The following RINT1 variants were observed in gnomAD, a reference collection of about 807,000 sequenced individuals.
RINT1 encodes RAD50 interactor 1, also known as RAD50-interacting protein 1.
In RINT1, 75 loss-of-function variants were observed where a neutral mutation model predicts 97.7. The ratio of observed to expected loss-of-function variants is 0.77; its 90% CI spans 0.64 to 0.93. RINT1 has a LOEUF of 0.93. RINT1 is among the 40% of genes least tolerant of loss of function. The probability of loss-of-function intolerance (pLI) is 0.00; values close to 1 mark genes in which losing one functional copy is unlikely to be tolerated. For missense variants in RINT1, 892 were observed against 925.2 expected (o/e 0.96, Z 0.47); for synonymous variants, 303 against 326.3 (o/e 0.93, Z 0.77).
chr7:105,542,155 C>A, intron 3 of RINT1: 2 of 333,078 alleles, frequency 6.0e-6, no homozygotes, highest in East Asian at 5.7e-5. Flanking sequence ...ATAGTGAGAC[C>A]TTATTTCTAT....
chr7:105,562,081 A>C (rs1427249164), intron 11 of RINT1, among the ~76,000 whole-genome samples: 1 of 152,166 alleles, frequency 6.6e-6, no homozygotes, highest in African/African-American at 2.4e-5. Context: ...CTATTTATAT[A>C]AATACTGGTG....
At chr7:105,549,637 C>T (rs1790843477) in intron 7 of RINT1, among the ~76,000 whole-genome samples, 1 of 152,132 alleles carries the variant, frequency 6.6e-6, no homozygotes, top group Admixed American at 6.5e-5. Flanking sequence ...GCATGAGCTG[C>T]CACGCCTGGC....
chr7:105,557,092 C>G (rs1445445363), intron 11 of RINT1, among the ~76,000 whole-genome samples: 2 of 151,920 alleles, frequency 1.3e-5, no homozygotes, highest in African/African-American at 2.4e-5. Flanking sequence ...ACTAGGATGA[C>G]TATGAAATGG....
At position 105,567,314 on chromosome 7, in the gene RINT1, T is replaced by C. The variant is rs1791810627; in HGVS notation, c.*3T>C. 3.8e-6 allele frequency: 6 copies of C among 1,573,346 alleles called. No individual in the cohort carries two copies. Among genetic ancestry groups the C allele is most frequent in the Non-Finnish European group, 5.2e-6 (6 of 1,158,640 alleles). ...ATTGGCCTAATACTGGAAAATAATG[T>C]CTTTCAGAAAAAGGTTTCTTTGGTT... On this transcript the variant is annotated 3_prime_UTR_variant, in exon 15 of 15. Coordinates refer to ENST00000257700, the MANE Select transcript of RINT1 (RefSeq NM_021930.6).
At chr7:105,562,647 C>A (rs554972376) in intron 11 of RINT1, among the ~76,000 whole-genome samples, 6 of 152,054 alleles carry the variant, frequency 3.9e-5, no homozygotes, top group Non-Finnish European at 7.3e-5. Context: ...GCCTGTAATC[C>A]CAGAACTTTG....
chr7:105,551,337 G>C (rs1790915614), intron 9 of RINT1, among the ~76,000 whole-genome samples: 1 of 152,118 alleles, frequency 6.6e-6, no homozygotes, highest in Non-Finnish European at 1.5e-5. Context: ...CTGGCCAATA[G>C]AATATTTTTT....
chr7:105,551,838 G>A, intron 10 of RINT1, 131 bp downstream of exon 10: 1 of 649,990 alleles, frequency 1.5e-6, no homozygotes, highest in Non-Finnish European at 2.4e-6. Flanking sequence ...GGCTGAGACG[G>A]GCAGGTTGCT....
intron 14 of RINT1, 133 bp downstream of exon 14, chr7:105,565,781 C>G: frequency 1.6e-6 from 1 of 627,612 alleles, no homozygotes; most frequent in South Asian, 2.0e-5. Flanking sequence ...TGTCTATCTA[C>G]TGTATGCTTA....
At chr7:105,555,680 A>T (rs543879624) in intron 11 of RINT1, among the ~76,000 whole-genome samples, 111 of 152,338 alleles carry the variant, frequency 7.3e-4, no homozygotes, top group African/African-American at 2.6e-3. Context: ...TAATTGTTTC[A>T]TACATTAAAA....
intron 11 of RINT1, among the ~76,000 whole-genome samples, chr7:105,558,034 T>A (rs895957467): frequency 2.0e-5 from 3 of 152,124 alleles, no homozygotes; most frequent in Non-Finnish European, 4.4e-5. Flanking sequence ...AGCTAATCAG[T>A]CTGGGTGTGG....
intron 2 of RINT1, among the ~76,000 whole-genome samples, chr7:105,534,846 C>A (rs1046195799): frequency 6.6e-6 from 1 of 151,974 alleles, no homozygotes; most frequent in African/African-American, 2.4e-5. Context: ...TAATTTAATT[C>A]ATATAAGTTA....
intron 11 of RINT1, among the ~76,000 whole-genome samples, chr7:105,560,373 T>C (rs564452371): frequency 2.0e-5 from 3 of 152,072 alleles, no homozygotes; most frequent in South Asian, 4.2e-4. Flanking sequence ...CAAAGGAAAA[T>C]TGGGGTACTG....
intron 4 of RINT1, 141 bp from the exon 5 acceptor site, chr7:105,546,769 T>C (rs906779785): frequency 6.6e-6 from 4 of 605,702 alleles, no homozygotes; most frequent in Middle Eastern, 4.3e-4. Flanking sequence ...CCAGCTACTG[T>C]GGAGGCTGAG....
At chr7:105,548,479 G>C (rs920267506) in intron 6 of RINT1, 75 bp from the exon 7 acceptor site, 3 of 1,381,730 alleles carry the variant, frequency 2.2e-6, no homozygotes, top group Non-Finnish European at 3.1e-6. Context: ...AAAATTTATT[G>C]TGTGTGTATA....
chr7:105,548,079 G>A (rs977307445), intron 6 of RINT1, among the ~76,000 whole-genome samples: 3 of 151,984 alleles, frequency 2.0e-5, no homozygotes, highest in Non-Finnish European at 4.4e-5. Flanking sequence ...CCAGGCTGAA[G>A]TGCAGTGGTG....
At chr7:105,560,995 C>T (rs1188776478) in intron 11 of RINT1, among the ~76,000 whole-genome samples, 1 of 151,798 alleles carries the variant, frequency 6.6e-6, no homozygotes, top group Non-Finnish European at 1.5e-5. Context: ...GCTGGGTTTA[C>T]AGGCGTAAGC....
chr7:105,539,355 C>CTTTT (rs56362601), intron 3 of RINT1, among the ~76,000 whole-genome samples: 10 of 131,662 alleles, frequency 7.6e-5, no homozygotes, highest in East Asian at 2.3e-4. Flanking sequence ...CTTTCCCACT[C>CTTTT]TTTTTTTTTT....
rs117904190 is a variant in RINT1 at position 105,552,310 on chromosome 7, C to T, written c.1471+603C>T. Among the ~76,000 whole-genome samples the T allele has an allele frequency of 5.3e-5, 8 of 152,192 alleles. No individual in the cohort carries two copies. The East Asian group carries it at 1.5e-3, about 29-fold the overall frequency. On this transcript the variant is annotated intron_variant, in intron 10 of 14. Coordinates refer to ENST00000257700, the MANE Select transcript of RINT1 (RefSeq NM_021930.6). ...TCTTGCTATTGGGCTTTTTAGGTGTCTTCAGTAAATGGTGATTGGCCTATA... is the reference window on the plus strand; with the variant it reads ...TCTTGCTATTGGGCTTTTTAGGTGTTTTCAGTAAATGGTGATTGGCCTATA...
chr7:105,547,946 C>T (rs760972577), intron 6 of RINT1, among the ~76,000 whole-genome samples: 45 of 151,646 alleles, frequency 3.0e-4, no homozygotes, highest in Non-Finnish European at 6.3e-4. Flanking sequence ...AGGCTGGCCT[C>T]GAACTCCTGA....
Sources: gnomAD v4.1 joint callset for allele counts (sites outside exome capture counted in the v4.1 genomes callset) on GRCh38, gnomAD v4.1.1 for gene constraint, MANE v1.5 for transcripts, NCBI Gene and HGNC (gene_info 2026-07-23, HGNC 2026-07-21) for gene names.